Variants in B3GALT1 observed in about 807,000 individuals in gnomAD.
B3GALT1 encodes the protein beta-1,3-galactosyltransferase 1.
In B3GALT1, 10 loss-of-function variants were observed where a neutral mutation model predicts 23.2. The ratio of observed to expected loss-of-function variants is 0.43; its 90% CI spans 0.27 to 0.73. The LOEUF is 0.73. Ranked by LOEUF, B3GALT1 falls within the 30% of genes least tolerant of loss-of-function variation. The pLI, the probability that B3GALT1 is intolerant of heterozygous loss-of-function variation, is 0.21. For synonymous variants in B3GALT1, 156 were observed against 141.5 expected, an observed-to-expected ratio of 1.10 and a Z score of -0.73; for missense variants, 299 against 405.4, an observed-to-expected ratio of 0.74 and a Z score of 2.25.
chr2:167,374,333 T>C (rs1697731366), intron 1 of B3GALT1, among the ~76,000 whole-genome samples: 1 of 152,244 alleles, frequency 6.6e-6, no homozygotes, highest in African/African-American at 2.4e-5. Flanking sequence ...TGCAAGTGCA[T>C]GGGTCTTTTT....
intron 4 of B3GALT1, among the ~76,000 whole-genome samples, chr2:167,823,135 TG>T (rs11317465): frequency 0.15 from 22,362 of 152,008 alleles, 2,081 homozygotes; most frequent in East Asian, 0.35. Flanking sequence ...GGGGGCCCCA[TG>T]GGGTGAAGAA....
Position 167,385,678 on chromosome 2 carries a change from T to C in B3GALT1, c.-511+92344T>C, listed in dbSNP as rs529242690. 2.0e-5 allele frequency among the ~76,000 whole-genome samples: 3 copies of C among 152,234 alleles called. No individual in the cohort carries two copies. The South Asian group carries it at 6.2e-4, about 32-fold the overall frequency. On this transcript the variant is annotated intron_variant, in intron 1 of 4. Coordinates refer to ENST00000392690, the MANE Select transcript of B3GALT1 (RefSeq NM_020981.4). ...ACCATACTGCTAGGAAATAACAAAA[T>C]TGGGACTGGAAACAAGAAAGCATAA...
At chr2:167,597,657 A>G (rs761298007) in intron 2 of B3GALT1, among the ~76,000 whole-genome samples, 3 of 152,172 alleles carry the variant, frequency 2.0e-5, no homozygotes, top group Non-Finnish European at 2.9e-5. Flanking sequence ...TGCCTGACAC[A>G]TGAATTAGAA....
In B3GALT1 at chr2:167,753,256, A is replaced by C. The variant is rs537877455; in HGVS notation, c.-351-65416A>C. Among the ~76,000 whole-genome samples the C allele has an allele frequency of 9.8e-5, 15 of 152,342 alleles. No homozygotes were observed. In the South Asian group the frequency reaches 1.7e-3, roughly 17 times the overall value. On this transcript the variant is annotated intron_variant, in intron 3 of 4. Coordinates refer to ENST00000392690, the MANE Select transcript of B3GALT1 (RefSeq NM_020981.4). Reference sequence around the variant, plus strand: ...GCAAAGCCCTCTCACACTTGTCCAGATTAGAGCAATACCCAGAGCCATGCC... The same window carrying C: ...GCAAAGCCCTCTCACACTTGTCCAGCTTAGAGCAATACCCAGAGCCATGCC...
chr2:167,593,861 G>A (rs1684726743), intron 2 of B3GALT1, among the ~76,000 whole-genome samples: 1 of 152,132 alleles, frequency 6.6e-6, no homozygotes, highest in Non-Finnish European at 1.5e-5. Context: ...TAGAGTGAAG[G>A]TGAGAGAGGG....
rs1696724439 is a variant in B3GALT1, at chr2:167,316,656, AAGATG to A, written c.-511+23327_-511+23331del. Among the ~76,000 whole-genome samples, 5 of 152,236 alleles carry A rather than the reference AAGATG, an allele frequency of 3.3e-5. No homozygotes were observed. In the South Asian group the frequency reaches 1.0e-3, roughly 31 times the overall value. On this transcript the variant is annotated intron_variant, in intron 1 of 4. Coordinates refer to ENST00000392690, the MANE Select transcript of B3GALT1 (RefSeq NM_020981.4). ...GTAAATATCCAGCTCCCTTGTCCCC[AAGATG>A]AGATAAGTCTGAGGCATGTTTTATG...
intron 2 of B3GALT1, among the ~76,000 whole-genome samples, chr2:167,603,544 G>T (rs1558921406): frequency 6.6e-6 from 1 of 152,226 alleles, no homozygotes; most frequent in Admixed American, 6.5e-5. Flanking sequence ...AAGATGAGGG[G>T]AACCTCATTA....
chr2:167,815,987 A>G (rs1688985778), intron 3 of B3GALT1, among the ~76,000 whole-genome samples: 1 of 152,212 alleles, frequency 6.6e-6, no homozygotes, highest in South Asian at 2.1e-4. Flanking sequence ...TCTGAAACCA[A>G]CATTTGAATG....
At chr2:167,626,147 C>T (rs1446810847) in intron 2 of B3GALT1, among the ~76,000 whole-genome samples, 1 of 151,068 alleles carries the variant, frequency 6.6e-6, no homozygotes, top group East Asian at 1.9e-4. Flanking sequence ...AGAATAAAAA[C>T]TATTTAAGTA....
chr2:167,529,519 C>G (rs1683286250), intron 2 of B3GALT1, among the ~76,000 whole-genome samples: 1 of 147,644 alleles, frequency 6.8e-6, no homozygotes, highest in Non-Finnish European at 1.5e-5. Context: ...GTGCTAGTAA[C>G]TGAGATGGGG....
At chr2:167,568,726 C>T (rs1382816672) in intron 2 of B3GALT1, among the ~76,000 whole-genome samples, 2 of 151,890 alleles carry the variant, frequency 1.3e-5, no homozygotes, top group Non-Finnish European at 2.9e-5. Context: ...TTTAAATTTT[C>T]ATGAAGTCCA....
chr2:167,690,460 A>G (rs1399047986), intron 3 of B3GALT1, among the ~76,000 whole-genome samples: 1 of 152,122 alleles, frequency 6.6e-6, no homozygotes, highest in African/African-American at 2.4e-5. Context: ...GAAATCCTTA[A>G]AAAACATAAT....
chr2:167,505,302 A>G (rs1319869225), intron 2 of B3GALT1, among the ~76,000 whole-genome samples: 7 of 152,226 alleles, frequency 4.6e-5, no homozygotes, highest in African/African-American at 1.7e-4. Context: ...AGTAATCTTT[A>G]AAAATTTTTA....
At chr2:167,372,773 A>G (rs1232328067) in intron 1 of B3GALT1, among the ~76,000 whole-genome samples, 1 of 152,090 alleles carries the variant, frequency 6.6e-6, no homozygotes, top group Non-Finnish European at 1.5e-5. Flanking sequence ...CAAAAATTGT[A>G]AAAGGCCTAT....
chr2:167,440,673 AT>A (rs938261357), intron 1 of B3GALT1, among the ~76,000 whole-genome samples: 4 of 149,850 alleles, frequency 2.7e-5, no homozygotes, highest in African/African-American at 4.9e-5. Context: ...ATTTCTCCCT[AT>A]TTTTTTCTTC....
At chr2:167,384,772 G>A (rs1697901757) in intron 1 of B3GALT1, among the ~76,000 whole-genome samples, 1 of 152,064 alleles carries the variant, frequency 6.6e-6, no homozygotes, top group South Asian at 2.1e-4. Context: ...ATTGAAGCCA[G>A]CATTCATGCT....
At chr2:167,463,796 A>G (rs1390140368) in intron 1 of B3GALT1, among the ~76,000 whole-genome samples, 1 of 152,212 alleles carries the variant, frequency 6.6e-6, no homozygotes, top group African/African-American at 2.4e-5. Context: ...TGAGTAATAT[A>G]GACATTTGAT....
chr2:167,511,411 TTCTC>T (rs1156437858), intron 2 of B3GALT1, among the ~76,000 whole-genome samples: 1 of 152,154 alleles, frequency 6.6e-6, no homozygotes, highest in African/African-American at 2.4e-5. Context: ...GGACACTCAT[TTCTC>T]TCTCCTGTCA....
chr2:167,810,000 A>T (rs1688848300), intron 3 of B3GALT1, among the ~76,000 whole-genome samples: 1 of 152,150 alleles, frequency 6.6e-6, no homozygotes, highest in African/African-American at 2.4e-5. Context: ...CCCCTCCCCC[A>T]GCCTCGCTGC....
Sources: gnomAD v4.1 joint callset for allele counts (sites outside exome capture counted in the v4.1 genomes callset) on GRCh38, gnomAD v4.1.1 for gene constraint, MANE v1.5 for transcripts, NCBI Gene and HGNC (gene_info 2026-07-23, HGNC 2026-07-21) for gene names.